The following SNX29 variants were observed in gnomAD, a reference collection of about 807,000 sequenced individuals.
The protein encoded by SNX29 is sorting nexin-29.
A neutral mutation model predicts 102.1 loss-of-function variants in SNX29; 78 were observed. The ratio of observed to expected loss-of-function variants is 0.76; its 90% confidence interval spans 0.64 to 0.92. The LOEUF (loss-of-function observed/expected upper bound fraction) is 0.92. SNX29 is among the 40% of genes least tolerant of loss of function. SNX29 has a pLI of 0.00. For synonymous variants in SNX29, 580 were observed against 414.5 expected (o/e 1.40, Z -4.85); for missense variants, 1,280 against 1,061.7 (o/e 1.21, Z -2.86).
intron 18 of SNX29, among the ~76,000 whole-genome samples, chr16:12,429,899 C>A (rs1354772778): frequency 6.6e-6 from 1 of 152,192 alleles, no homozygotes; most frequent in Non-Finnish European, 1.5e-5. Context: ...CTATTGTTTT[C>A]TTGCTCTCTG....
At chr16:12,332,970 C>T (rs900539536) in intron 15 of SNX29, among the ~76,000 whole-genome samples, 13 of 151,962 alleles carry the variant, frequency 8.6e-5, no homozygotes, top group African/African-American at 2.7e-4. Context: ...CATGTACAGA[C>T]GCTCCGCAGG....
chr16:12,226,707 G>A (rs145338995), intron 14 of SNX29, among the ~76,000 whole-genome samples: 18 of 151,904 alleles, frequency 1.2e-4, no homozygotes, highest in African/African-American at 1.9e-4. Context: ...CCGAGTAGCC[G>A]GGATTACAGG....
At chr16:12,325,351 G>T (rs1218066369) in intron 15 of SNX29, among the ~76,000 whole-genome samples, 2 of 152,312 alleles carry the variant, frequency 1.3e-5, no homozygotes, top group African/African-American at 2.4e-5. Flanking sequence ...CCAATGCCAG[G>T]TAGAAGAGGT....
intron 18 of SNX29, among the ~76,000 whole-genome samples, chr16:12,422,622 C>G (rs1475744285): frequency 2.0e-5 from 3 of 152,216 alleles, no homozygotes. Context: ...AGTCCAGCAG[C>G]AGAGTTGAGA....
rs563568896 is a variant in SNX29, at chr16:12,338,037, C to T, written c.1783-18126C>T. Among the ~76,000 whole-genome samples, 15 of 152,262 alleles carry T rather than the reference C, an allele frequency of 9.9e-5. No individual in the cohort carries two copies. In the South Asian group the frequency reaches 3.1e-3, roughly 32 times the overall value. On this transcript the variant is annotated intron_variant, in intron 15 of 20. Transcript: ENST00000566228. ...GCCAGAGGAGCCGAGGAAGCACCTG[C>T]ATTTGGAGCTATTCAGTGCATCCTG...
chr16:12,061,185 C>T (rs1263449770), intron 8 of SNX29, among the ~76,000 whole-genome samples: 1 of 152,206 alleles, frequency 6.6e-6, no homozygotes, highest in Admixed American at 6.5e-5. Context: ...ATCTGAGATG[C>T]CATTTACAGC....
At chr16:12,468,473 A>G (rs542536113) in intron 18 of SNX29, among the ~76,000 whole-genome samples, 4 of 152,082 alleles carry the variant, frequency 2.6e-5, no homozygotes, top group Non-Finnish European at 4.4e-5. Flanking sequence ...CTCCAACTCA[A>G]TATTTTGGTT....
intron 19 of SNX29, among the ~76,000 whole-genome samples, chr16:12,516,055 C>T (rs566791049): frequency 1.3e-5 from 2 of 152,256 alleles, no homozygotes; most frequent in Admixed American, 6.5e-5. Context: ...CGTGGCCTGC[C>T]CCAACTCCCA....
At chr16:12,074,580 C>G (rs963743383) in intron 10 of SNX29, among the ~76,000 whole-genome samples, 4 of 152,192 alleles carry the variant, frequency 2.6e-5, no homozygotes, top group Non-Finnish European at 5.9e-5. Flanking sequence ...CGACCTTTCT[C>G]TCTGGCTGCC....
intron 16 of SNX29, among the ~76,000 whole-genome samples, chr16:12,370,727 A>G (rs8055939): frequency 0.011 from 1,620 of 152,274 alleles, 29 homozygotes; most frequent in African/African-American, 0.037. Context: ...GTAAAAGTCA[A>G]TGCTGTTTCG....
intron 20 of SNX29, among the ~76,000 whole-genome samples, chr16:12,563,527 T>A (rs2078849273): frequency 6.6e-6 from 1 of 152,162 alleles, no homozygotes; most frequent in South Asian, 2.1e-4. Flanking sequence ...TGTGAAAAAT[T>A]GAGTTGTCTC....
intron 20 of SNX29, among the ~76,000 whole-genome samples, chr16:12,542,029 C>T (rs1017956135): frequency 3.9e-5 from 6 of 152,176 alleles, no homozygotes; most frequent in East Asian, 1.9e-4. Context: ...TCTGTTTTTT[C>T]TTTTTTTAAT....
chr16:12,313,239 C>G (rs1403645603), intron 15 of SNX29, among the ~76,000 whole-genome samples: 2 of 152,076 alleles, frequency 1.3e-5, no homozygotes, highest in African/African-American at 4.8e-5. Flanking sequence ...GTCTTGAACT[C>G]CCAACCTTAG....
intron 19 of SNX29, among the ~76,000 whole-genome samples, chr16:12,523,900 G>C (rs1185128930): frequency 6.6e-6 from 1 of 152,086 alleles, no homozygotes; most frequent in Non-Finnish European, 1.5e-5. Flanking sequence ...TTTTGTGTGT[G>C]TGTGAGATGG....
At chr16:12,190,897 C>T (rs1002185027) in intron 13 of SNX29, among the ~76,000 whole-genome samples, 3 of 152,260 alleles carry the variant, frequency 2.0e-5, no homozygotes, top group African/African-American at 7.2e-5. Flanking sequence ...TTTTGCTTTC[C>T]CTCTTGCCCT....
At chr16:12,341,869 G>A (rs1053579125) in intron 15 of SNX29, among the ~76,000 whole-genome samples, 1 of 152,244 alleles carries the variant, frequency 6.6e-6, no homozygotes, top group African/African-American at 2.4e-5. Context: ...GGACCCACTT[G>A]TTGTCTTCAT....
chr16:11,985,727 T>A (rs1397600665), intron 1 of SNX29, among the ~76,000 whole-genome samples: 2 of 152,054 alleles, frequency 1.3e-5, no homozygotes, highest in East Asian at 1.9e-4. Flanking sequence ...CTGCTGTAAT[T>A]TTGGATGGGG....
At chr16:12,469,675 G>A (rs563044885) in intron 18 of SNX29, among the ~76,000 whole-genome samples, 14 of 152,174 alleles carry the variant, frequency 9.2e-5, no homozygotes, top group Non-Finnish European at 1.8e-4. Flanking sequence ...AATAGAGAGC[G>A]CATTTCTTAG....
At chr16:12,151,416 T>C (rs911858745) in intron 13 of SNX29, among the ~76,000 whole-genome samples, 4 of 152,216 alleles carry the variant, frequency 2.6e-5, no homozygotes, top group Non-Finnish European at 5.9e-5. Flanking sequence ...CTTTTCAAAG[T>C]GTTAAGTCAG....
Sources: allele counts gnomAD v4.1 joint callset (sites outside exome capture counted in the v4.1 genomes callset), GRCh38; gene constraint gnomAD v4.1.1; transcripts MANE v1.5; gene names NCBI Gene and HGNC (gene_info 2026-07-23, HGNC 2026-07-21).